The following RBFOX1 variants were observed in gnomAD, a reference collection of about 807,000 sequenced individuals.
The protein encoded by RBFOX1 is RNA binding fox-1 homolog 1, also known as RNA binding protein fox-1 homolog 1.
In RBFOX1, 8 loss-of-function variants were observed where a neutral mutation model predicts 57.7. The ratio of observed to expected loss-of-function variants is 0.14; its 90% CI spans 0.08 to 0.25. The LOEUF is 0.25. Ranked by LOEUF, RBFOX1 falls within the 10% of genes least tolerant of loss-of-function variation. RBFOX1 has a pLI of 1.00. For missense variants in RBFOX1, 611 were observed against 548.5 expected, an observed-to-expected ratio of 1.11 and a Z score of -1.14; for synonymous variants, 326 against 222.4, an observed-to-expected ratio of 1.47 and a Z score of -4.15.
Position 5,798,737 on chromosome 16 carries a change from C to T in RBFOX1, c.319-68566C>T, listed in dbSNP as rs574830112. 6.8e-4 allele frequency among the ~76,000 whole-genome samples: 103 copies of T among 152,290 alleles called. 2 individuals are homozygous for T. Among genetic ancestry groups the T allele is most frequent in the African/African-American group, 2.3e-3 (94 of 41,554 alleles). On this transcript the variant is annotated intron_variant, in intron 3 of 19. Transcript: ENST00000641259. ...ACTCGTTCCACTTTGTTCGTTGTGGCAGAAGGAAAATCTTAATTAAGTCAT... is the reference window on the plus strand; with the variant it reads ...ACTCGTTCCACTTTGTTCGTTGTGGTAGAAGGAAAATCTTAATTAAGTCAT...
chr16:7,143,247 G>C (rs752266431), intron 4 of RBFOX1, among the ~76,000 whole-genome samples: 1 of 152,016 alleles, frequency 6.6e-6, no homozygotes, highest in Non-Finnish European at 1.5e-5. Context: ...GAAAATTAGA[G>C]AGAGAGAGAG....
intron 1 of RBFOX1, among the ~76,000 whole-genome samples, chr16:5,322,428 G>A (rs757290012): frequency 2.5e-4 from 38 of 152,272 alleles, no homozygotes; most frequent in Non-Finnish European, 4.3e-4. Context: ...TGGGTGCTGA[G>A]CCGGGTGCCC....
intron 3 of RBFOX1, among the ~76,000 whole-genome samples, chr16:6,893,831 A>C (rs1418478451): frequency 6.6e-6 from 1 of 152,192 alleles, no homozygotes; most frequent in Non-Finnish European, 1.5e-5. Context: ...AAATATGCTT[A>C]ATACTTCAGG....
chr16:6,549,720 T>A (rs2096957178), intron 2 of RBFOX1, among the ~76,000 whole-genome samples: 6 of 152,060 alleles, frequency 3.9e-5, no homozygotes, highest in Admixed American at 3.3e-4. Context: ...TCCAGCCTCA[T>A]GACCTACAGA....
intron 2 of RBFOX1, among the ~76,000 whole-genome samples, chr16:6,401,409 AC>A (rs1345820266): frequency 6.6e-6 from 1 of 152,166 alleles, no homozygotes; most frequent in Non-Finnish European, 1.5e-5. Context: ...CATAACTCAC[AC>A]CTGTGAAAAT....
chr16:5,499,773 A>C (rs1006782275), intron 2 of RBFOX1, among the ~76,000 whole-genome samples: 8 of 151,940 alleles, frequency 5.3e-5, no homozygotes, highest in Non-Finnish European at 8.8e-5. Context: ...GGGTTTCACC[A>C]TGTTGGCCAG....
At chr16:7,286,251 A>G (rs907168115) in intron 4 of RBFOX1, among the ~76,000 whole-genome samples, 2 of 152,124 alleles carry the variant, frequency 1.3e-5, no homozygotes, top group African/African-American at 4.8e-5. Context: ...CCATTGTAAG[A>G]TATGATTTTG....
intron 3 of RBFOX1, among the ~76,000 whole-genome samples, chr16:6,666,804 A>G (rs983027517): frequency 1.3e-5 from 2 of 152,102 alleles, no homozygotes; most frequent in African/African-American, 4.8e-5. Flanking sequence ...CCACTGCTAA[A>G]TGTCATCCTG....
At chr16:5,715,411 T>C (rs1451669807) in intron 3 of RBFOX1, among the ~76,000 whole-genome samples, 1 of 152,172 alleles carries the variant, frequency 6.6e-6, no homozygotes, top group Non-Finnish European at 1.5e-5. Flanking sequence ...TCAGTTGACA[T>C]GCACCACATT....
chr16:5,536,289 C>G (rs1416789751), intron 2 of RBFOX1, among the ~76,000 whole-genome samples: 6 of 136,770 alleles, frequency 4.4e-5, no homozygotes, highest in African/African-American at 1.7e-4. Context: ...GGCTGGAGTG[C>G]AGTGGCATGA....
chr16:7,068,097 G>T (rs980812820), intron 4 of RBFOX1, among the ~76,000 whole-genome samples: 8 of 151,578 alleles, frequency 5.3e-5, no homozygotes, highest in African/African-American at 1.9e-4. Flanking sequence ...TGCTTTTAAG[G>T]GTTCATGTGA....
Position 5,657,731 on chromosome 16 carries a change from T to C in RBFOX1, c.318+58770T>C, listed in dbSNP as rs1280478720. Reference sequence around the variant, plus strand: ...CTTTCTCTCTTTCTTTTGTTTCTTTTCTTTTCTTTTTTTTTTTTTGAGACA... The same window carrying C: ...CTTTCTCTCTTTCTTTTGTTTCTTTCCTTTTCTTTTTTTTTTTTTGAGACA... On this transcript the variant is annotated intron_variant, in intron 3 of 19. Coordinates refer to the RBFOX1 transcript ENST00000641259. Among the ~76,000 whole-genome samples the C allele has an allele frequency of 1.6e-4, 11 of 70,520 alleles. 1 individual carries two copies. Among genetic ancestry groups the C allele is most frequent in the Non-Finnish European group, 3.3e-4 (9 of 27,586 alleles). 46.3% of individuals were successfully genotyped at this position (70,520 alleles called of 152,430 possible).
At chr16:6,768,343 A>ATT (rs144433815) in intron 3 of RBFOX1, among the ~76,000 whole-genome samples, 2 of 151,658 alleles carry the variant, frequency 1.3e-5, no homozygotes, top group South Asian at 2.1e-4. Flanking sequence ...TATTTCAAAA[A>ATT]TTTTTTTTCT....
chr16:5,553,304 C>T (rs963806638), intron 2 of RBFOX1, among the ~76,000 whole-genome samples: 5 of 148,378 alleles, frequency 3.4e-5, no homozygotes, highest in Non-Finnish European at 6.0e-5. Flanking sequence ...AAGGTGTATG[C>T]CATATGTCTG....
intron 2 of RBFOX1, among the ~76,000 whole-genome samples, chr16:6,551,981 T>A (rs2096998525): frequency 6.6e-6 from 1 of 152,202 alleles, no homozygotes; most frequent in African/African-American, 2.4e-5. Context: ...TCTAGTCATA[T>A]CCCATTACCA....
intron 3 of RBFOX1, among the ~76,000 whole-genome samples, chr16:5,800,489 G>A (rs746922944): frequency 9.2e-5 from 14 of 152,182 alleles, no homozygotes; most frequent in Non-Finnish European, 1.6e-4. Flanking sequence ...GTGAGTAGAC[G>A]GAGACTCCTC....
intron 3 of RBFOX1, among the ~76,000 whole-genome samples, chr16:5,765,490 G>C (rs954978088): frequency 2.6e-5 from 4 of 152,184 alleles, no homozygotes; most frequent in African/African-American, 7.2e-5. Flanking sequence ...CATGAGAGGC[G>C]TAAAGACATT....
intron 1 of RBFOX1, among the ~76,000 whole-genome samples, chr16:5,386,221 G>A (rs2151404399): frequency 6.6e-6 from 1 of 152,134 alleles, no homozygotes; most frequent in East Asian, 1.9e-4. Context: ...CTTTGATGGG[G>A]ATGGAGTGGA....
At chr16:6,815,375 G>T (rs767779364) in intron 3 of RBFOX1, among the ~76,000 whole-genome samples, 6 of 152,024 alleles carry the variant, frequency 3.9e-5, no homozygotes, top group African/African-American at 1.2e-4. Context: ...TAACCTTCTG[G>T]GAATGCAGCC....
Sources: gnomAD v4.1 joint callset for allele counts (sites outside exome capture counted in the v4.1 genomes callset) on GRCh38, gnomAD v4.1.1 for gene constraint, MANE v1.5 for transcripts, NCBI Gene and HGNC (gene_info 2026-07-23, HGNC 2026-07-21) for gene names.